Variants in TRPM5 observed in about 807,000 individuals in gnomAD.
TRPM5 encodes MLSN1 and TRP-related.
Under a neutral mutation model 124.9 loss-of-function variants are expected in TRPM5, and 121 were observed. The observed-to-expected ratio is 0.97, with a 90% CI of 0.84 to 1.13. The LOEUF (loss-of-function observed/expected upper bound fraction) is 1.13, where lower values mean the gene tolerates loss of function less well. Among genes scored for constraint, TRPM5 ranks in the 50% most tolerant of loss-of-function variants. TRPM5 has a pLI of 0.00. For missense variants in TRPM5, 1,643 were observed against 1,589.1 expected (o/e 1.03, Z -0.58); for synonymous variants, 781 against 700.5 (o/e 1.11, Z -1.81).
chr11:2,418,606 C>A lies in TRPM5; in HGVS notation c.650-15G>T, dbSNP rs764334694. 4.4e-6 allele frequency: 7 copies of A among 1,607,972 alleles called. No homozygotes were observed. The East Asian group carries it at 1.6e-4, about 36-fold the overall frequency. On this transcript the variant is annotated splice_polypyrimidine_tract_variant and intron_variant, in intron 4 of 23. Coordinates refer to ENST00000155858, the Ensembl canonical transcript of TRPM5. ...GCTGCCAGTGCCTGTGGACAGGGCACCCGTGAGGCCTGAGGACCCTCCGCC... is the reference window on the plus strand; with the variant it reads ...GCTGCCAGTGCCTGTGGACAGGGCAACCGTGAGGCCTGAGGACCCTCCGCC...
the TRPM5 span, among the ~76,000 whole-genome samples, chr11:2,429,987 G>A: frequency 7.0e-6 from 1 of 143,502 alleles, no homozygotes; most frequent in African/African-American, 2.6e-5. The surrounding 1 kb of genome is among the most constrained non-coding windows in gnomAD (Gnocchi z 8.4). Context: ...CTAAGTCTAT[G>A]GAGTTGGGGG....
At chr11:2,420,349 A>G in exon 4 of TRPM5, 1 of 1,612,780 alleles carries the variant, frequency 6.2e-7, no homozygotes, top group Non-Finnish European at 8.5e-7. Context: ...TGTCCAGTGA[A>G]CAGAGGGGGC....
Position 2,405,054 on chromosome 11 carries a change from G to T in TRPM5, c.3392-11C>A. The T allele has an allele frequency of 6.2e-7, 1 of 1,609,910 alleles. No individual in the cohort carries two copies. Among genetic ancestry groups the T allele is most frequent in the Non-Finnish European group, 8.5e-7 (1 of 1,178,034 alleles). On this transcript the variant is annotated splice_polypyrimidine_tract_variant and intron_variant, in intron 23 of 23. Coordinates refer to ENST00000155858, the Ensembl canonical transcript of TRPM5. ...CACAGTGCTGAGAGCCTGCTGGGAA[G>T]GAAGGCCCCCCTGAGCGGTGGGAAC...
chr11:2,442,609 T>C, the TRPM5 span, among the ~76,000 whole-genome samples: 1 of 152,224 alleles, frequency 6.6e-6, no homozygotes, highest in Admixed American at 6.5e-5. The surrounding 1 kb of genome is among the most constrained non-coding windows in gnomAD (Gnocchi z 5.9). Flanking sequence ...TTCCTACATA[T>C]CTTTGGGTTA....
chr11:2,404,771 C>T (rs751676253), exon 24 of TRPM5: 163 of 591,956 alleles, frequency 2.8e-4, no homozygotes, highest in Non-Finnish European at 4.3e-4. Flanking sequence ...GGACAAGGAG[C>T]GGTTCCTTTG....
At chr11:2,408,767 A>G (rs2133502432) in intron 18 of TRPM5, among the ~76,000 whole-genome samples, 1 of 152,364 alleles carries the variant, frequency 6.6e-6, no homozygotes, top group Non-Finnish European at 1.5e-5. Flanking sequence ...GGTCCCAGCC[A>G]GAGGCCAGAG....
chr11:2,407,061 GCCCTGGGACC>G (rs1850336983), intron 20 of TRPM5, 48 bp downstream of exon 25: 3 of 1,476,092 alleles, frequency 2.0e-6, no homozygotes, highest in Non-Finnish European at 2.7e-6. Context: ...GCACAGCCCC[GCCCTGGGACC>G]CGCCACCTCG....
intron 19 of TRPM5, 41 bp from the exon 25 acceptor site, chr11:2,407,341 C>A (rs369160570): frequency 6.4e-7 from 1 of 1,570,694 alleles, no homozygotes; most frequent in African/African-American, 1.4e-5. Context: ...CGGCTCCCCA[C>A]GACCACTTGG....
chr11:2,418,265 G>A (rs1845714412), exon 6 of TRPM5: 2 of 1,582,704 alleles, frequency 1.3e-6, no homozygotes, highest in Admixed American at 1.8e-5. Flanking sequence ...AGGAGGTGGG[G>A]CTGGTTCACT....
chr11:2,426,377 A>T (rs1845840457), upstream of TRPM5, among the ~76,000 whole-genome samples: 1 of 151,950 alleles, frequency 6.6e-6, no homozygotes, highest in Admixed American at 6.5e-5. Flanking sequence ...GCCCAGAGGG[A>T]GGTGATGCAA....
chr11:2,416,206 G>A (rs914984989), intron 7 of TRPM5, among the ~76,000 whole-genome samples, 182 bp from the exon 13 acceptor site: 3 of 152,222 alleles, frequency 2.0e-5, no homozygotes, highest in African/African-American at 4.8e-5. Context: ...TGTACAAACC[G>A]CAGGAGAAAG....
the TRPM5 span, among the ~76,000 whole-genome samples, chr11:2,435,219 T>C: frequency 0.012 from 1,799 of 152,248 alleles, 36 homozygotes; most frequent in African/African-American, 0.042. This position sits in a 1 kb window ranked among gnomAD's most constrained non-coding sequence, Gnocchi z 4.1. Flanking sequence ...AAGATGGCTA[T>C]GGAGAAAAAT....
exon 2 of TRPM5, chr11:2,422,141 C>T: frequency 6.3e-7 from 1 of 1,597,636 alleles, no homozygotes; most frequent in Non-Finnish European, 8.5e-7. Flanking sequence ...GGGGCCTCAC[C>T]TGTGCTCTGA....
At chr11:2,434,493 C>CTGTG in the TRPM5 span, among the ~76,000 whole-genome samples, 1 of 143,124 alleles carries the variant, frequency 7.0e-6, no homozygotes, top group Middle Eastern at 3.8e-3. Flanking sequence ...TATAGCCGCA[C>CTGTG]TGTGTGTGTG....
chr11:2,408,688 C>A (rs899604431), intron 18 of TRPM5, among the ~76,000 whole-genome samples: 4 of 152,234 alleles, frequency 2.6e-5, no homozygotes, highest in African/African-American at 9.6e-5. Context: ...ACCCTCACCC[C>A]ACCCCAGCCT....
rs375821442 is a variant in TRPM5 at position 2,414,669 on chromosome 11, C to T, written c.1744+46G>A. The T allele has an allele frequency of 3.4e-6, 5 of 1,461,740 alleles. No homozygotes were observed. The African/African-American group carries it at 8.2e-5, about 24-fold the overall frequency. 90.5% of individuals were successfully genotyped at this position (1,461,740 alleles called of 1,614,324 possible). A position where few individuals can be genotyped will look rare whatever the true frequency, so the allele number is the denominator to read the frequency against. On this transcript the variant is annotated intron_variant, in intron 11 of 23. Coordinates refer to ENST00000155858, the Ensembl canonical transcript of TRPM5. Reference sequence around the variant, plus strand: ...GACCCTTCGTCCGACCCCTCCGTCACATCCTCCCCCGCGCGCGGGCCCGGC... The same window carrying T: ...GACCCTTCGTCCGACCCCTCCGTCATATCCTCCCCCGCGCGCGGGCCCGGC...
At chr11:2,443,257 T>C in the TRPM5 span, among the ~76,000 whole-genome samples, 1 of 152,218 alleles carries the variant, frequency 6.6e-6, no homozygotes, top group Non-Finnish European at 1.5e-5. The surrounding 1 kb of genome is among the most constrained non-coding windows in gnomAD (Gnocchi z 5.0). Context: ...TTTATGACTG[T>C]CCAGTTGTCC....
intron 18 of TRPM5, among the ~76,000 whole-genome samples, chr11:2,409,768 C>A (rs756454859): frequency 6.6e-6 from 1 of 152,100 alleles, no homozygotes; most frequent in Non-Finnish European, 1.5e-5. Flanking sequence ...AAGTCTGAGA[C>A]TCTCAGTGGG....
upstream of TRPM5, among the ~76,000 whole-genome samples, chr11:2,426,121 G>A (rs1377220145): frequency 6.6e-6 from 1 of 152,172 alleles, no homozygotes; most frequent in Non-Finnish European, 1.5e-5. Flanking sequence ...AGAGGTGGAA[G>A]CAGCCACAAC....
Sources: gnomAD v4.1 joint callset for allele counts (sites outside exome capture counted in the v4.1 genomes callset) on GRCh38, gnomAD v4.1.1 for gene constraint, Gnocchi (gnomAD v3.1) non-coding constraint, MANE v1.5 for transcripts, NCBI Gene and HGNC (gene_info 2026-07-23, HGNC 2026-07-21) for gene names.